GMFB: variants seen among roughly 807,000 people sequenced by gnomAD.
The protein encoded by GMFB is glia maturation factor beta, also known as GMF-beta.
In GMFB, 13 loss-of-function variants were observed where a neutral mutation model predicts 25.6. That is an observed-to-expected ratio of 0.51 (90% CI 0.33 to 0.81). GMFB has a LOEUF of 0.81. GMFB is among the 30% of genes least tolerant of loss of function. GMFB has a pLI of 0.02. For synonymous variants in GMFB, 57 were observed against 56.9 expected (o/e 1.00, Z 0.00); for missense variants, 146 against 175.4 (o/e 0.83, Z 0.95).
chr14:54,485,699 G>A (rs1046796516), intron 1 of GMFB, among the ~76,000 whole-genome samples: 1 of 152,164 alleles, frequency 6.6e-6, no homozygotes, highest in African/African-American at 2.4e-5. Flanking sequence ...AAAAGACTGT[G>A]AATAGCCAAA....
At chr14:54,479,356 T>C (rs778828147) in intron 6 of GMFB, 1 of 152,566 alleles carries the variant, frequency 6.6e-6, no homozygotes, top group Non-Finnish European at 1.5e-5. Context: ...ACTTTATTAA[T>C]ATTCTTAACA....
chr14:54,478,182 G>A, intron 6 of GMFB, 23 bp from the exon 7 acceptor site: 1 of 924,100 alleles, frequency 1.1e-6, no homozygotes, highest in Non-Finnish European at 1.6e-6. Context: ...AAAAAACTTG[G>A]GTCATACTTT....
rs1410499621 is a variant in GMFB at position 54,476,089 on chromosome 14, C to T, written c.*1999G>A. ...TGATCCTCTAACCTCAATCTGTTGT[C>T]TTGCCAAAAACATGTTATTAATTAG... On this transcript the variant is annotated 3_prime_UTR_variant, in exon 7 of 7. Transcript: ENST00000358056. 1 of 152,054 alleles carries T rather than the reference C, an allele frequency of 6.6e-6. No homozygotes were observed. The highest frequency in any genetic ancestry group is 1.5e-5 in the Non-Finnish European group (1 of 67,934). The allele number at this position is 152,054 out of a possible 1,614,324, so 9.4% of individuals were successfully genotyped here.
chr14:54,479,922 T>C (rs558593428), intron 5 of GMFB, 63 bp from the exon 6 acceptor site: 53 of 909,274 alleles, frequency 5.8e-5, no homozygotes, highest in Non-Finnish European at 3.3e-5. Context: ...GGGTTATCAT[T>C]ATTTTTATTT....
At position 54,482,101 on chromosome 14, in the gene GMFB, G is replaced by C. The variant is rs1181880890; in HGVS notation, c.150+52C>G. 2.6e-6 allele frequency: 3 copies of C among 1,155,840 alleles called. No homozygotes were observed. The African/African-American group carries it at 4.6e-5, about 18-fold the overall frequency. The allele number at this position is 1,155,840 out of a possible 1,614,324, so 71.6% of individuals were successfully genotyped here. ...ATATGTAACTAATATAGCATCTTTT[G>C]AGAAATAATAATTACTTAACTATAA... On this transcript the variant is annotated intron_variant, in intron 3 of 6. Coordinates refer to ENST00000358056, the MANE Select transcript of GMFB (RefSeq NM_004124.3).
At chr14:54,486,395 T>C (rs2031783377) in intron 1 of GMFB, among the ~76,000 whole-genome samples, 2 of 152,186 alleles carry the variant, frequency 1.3e-5, no homozygotes, top group African/African-American at 4.8e-5. Flanking sequence ...TTCAGGACAT[T>C]GGTCTGGGCA....
At chr14:54,480,036 T>C (rs887361146) in intron 5 of GMFB, 177 bp from the exon 6 acceptor site, 5 of 500,412 alleles carry the variant, frequency 1.0e-5, no homozygotes, top group Non-Finnish European at 1.8e-5. Flanking sequence ...AAAGAGACAG[T>C]TAAGTTATAA....
chr14:54,476,490 T>C lies in GMFB; in HGVS notation c.*1598A>G, dbSNP rs1256267524. On this transcript the variant is annotated 3_prime_UTR_variant, in exon 7 of 7. Transcript: ENST00000358056. ...GAATTTTTAAACTTCCTGGGTGAGT[T>C]TTCTCTTCTCTCTGGAAATTGGAAT... 6.6e-6 allele frequency: 1 copy of C among 152,018 alleles called. No individual in the cohort carries two copies. Among genetic ancestry groups the C allele is most frequent in the African/African-American group, 2.4e-5 (1 of 41,414 alleles). 9.4% of individuals were successfully genotyped at this position (152,018 alleles called of 1,614,324 possible).
intron 1 of GMFB, among the ~76,000 whole-genome samples, chr14:54,485,799 C>G (rs893633503): frequency 6.6e-6 from 1 of 152,146 alleles, no homozygotes; most frequent in Non-Finnish European, 1.5e-5. Context: ...CATAAAACCA[C>G]ACACACAGGC....
chr14:54,480,200 C>T (rs2031692338), intron 5 of GMFB: 2 of 200,544 alleles, frequency 1.0e-5, no homozygotes, highest in Non-Finnish European at 2.0e-5. Context: ...GACTAAAATA[C>T]ACAAGGTTTT....
chr14:54,481,800 C>A (rs1041820104), intron 3 of GMFB, among the ~76,000 whole-genome samples: 3 of 152,016 alleles, frequency 2.0e-5, no homozygotes, highest in Admixed American at 2.0e-4. Context: ...GAATTGAATT[C>A]TTTTTACTCT....
chr14:54,479,965 A>G (rs2031689515), intron 5 of GMFB, 106 bp from the exon 6 acceptor site: 1 of 697,996 alleles, frequency 1.4e-6, no homozygotes. Flanking sequence ...TTCCTTTGCT[A>G]TTGAGTTTAC....
Position 54,480,908 on chromosome 14 carries a change from T to A in GMFB, c.249A>T (p.Ser83=), listed in dbSNP as rs769048645. Residue 83 remains serine (S), a synonymous_variant, in exon 5 of 7, where the codon TCA becomes TCT. Transcript: ENST00000358056. ...YKYQHDDGRV[S]YPLCFIFSSP... ...TGGAGAAAATAAAGCACAGAGGATA[T>A]GAAACTCTTCCATCATCATGTTGAT... 5 of 1,539,772 alleles carry A rather than the reference T, an allele frequency of 3.2e-6. 1 individual carries two copies. In the South Asian group the frequency reaches 5.8e-5, roughly 18 times the overall value.
intron 1 of GMFB, chr14:54,488,716 G>T (rs894756676): frequency 4.0e-6 from 2 of 498,100 alleles, no homozygotes; most frequent in South Asian, 6.0e-5. Flanking sequence ...GGTCCACCCC[G>T]GGCCCAGCTG....
rs1230800411 is a variant in GMFB, at chr14:54,483,716, T to C, written c.55A>G (p.Arg19Gly). ...DVAEDLVEKL[R>G]KFRFRKETNN... is the part of the protein sequence containing the mutation. ...GTTTCTTTGCGAAAACGAAACTTTC[T>C]CAGCTTTTCCACTAAATCTTCGGCA... is the stretch of plus-strand genomic sequence containing the variant. The change falls in exon 2 of 7, where the codon AGA becomes GGA. Residue 19 changes from arginine to glycine, a missense_variant. By Grantham distance (125) the Arg-to-Gly change is moderately radical. Coordinates refer to ENST00000358056, the MANE Select transcript of GMFB (RefSeq NM_004124.3). 6.2e-7 allele frequency: 1 copy of C among 1,611,372 alleles called. No homozygotes were observed. The highest frequency in any genetic ancestry group is 8.5e-7 in the Non-Finnish European group (1 of 1,177,658).
At position 54,478,064 on chromosome 14, in the gene GMFB, A is replaced by T. The variant is rs756069684; in HGVS notation, c.*24T>A. On this transcript the variant is annotated 3_prime_UTR_variant, in exon 7 of 7. Transcript: ENST00000358056. ...AGTATGGTCAGGTTAATACATAAAT[A>T]CTTTAGAAACACAGAAGTTCACATT... 1 of 1,108,748 alleles carries T rather than the reference A, an allele frequency of 9.0e-7. No homozygotes were observed. Among genetic ancestry groups the T allele is most frequent in the East Asian group, 2.5e-5 (1 of 40,236 alleles). The allele number at this position is 1,108,748 out of a possible 1,614,324, so 68.7% of individuals were successfully genotyped here.
intron 5 of GMFB, 175 bp from the exon 6 acceptor site, chr14:54,480,034 A>G: frequency 2.0e-6 from 1 of 502,892 alleles, no homozygotes; most frequent in South Asian, 2.9e-5. Flanking sequence ...AGAAAGAGAC[A>G]GTTAAGTTAT....
At chr14:54,485,968 C>A (rs183922188) in intron 1 of GMFB, among the ~76,000 whole-genome samples, 1 of 152,090 alleles carries the variant, frequency 6.6e-6, no homozygotes, top group Non-Finnish European at 1.5e-5. Flanking sequence ...AACCAGACCC[C>A]GGGCCGGGCA....
chr14:54,487,088 A>T (rs2031792862), intron 1 of GMFB, among the ~76,000 whole-genome samples: 1 of 152,158 alleles, frequency 6.6e-6, no homozygotes, highest in Admixed American at 6.5e-5. Context: ...GTAACTAAAT[A>T]TTGAAATATT....
Sources: allele counts gnomAD v4.1 joint callset (sites outside exome capture counted in the v4.1 genomes callset), GRCh38; gene constraint gnomAD v4.1.1; transcripts MANE v1.5; gene names NCBI Gene and HGNC (gene_info 2026-07-23, HGNC 2026-07-21).